CNTN6: variants seen among roughly 807,000 people sequenced by gnomAD.
The protein encoded by CNTN6 is contactin 6.
CNTN6 carries 137 observed loss-of-function variants against 122.8 expected under a neutral mutation model. The ratio of observed to expected loss-of-function variants is 1.12; its 90% confidence interval spans 0.97 to 1.29. CNTN6 has a LOEUF of 1.29. Ranked by LOEUF, CNTN6 falls within the 50% of genes most tolerant of loss-of-function variation. CNTN6 has a pLI of 0.00. For synonymous variants in CNTN6, 570 were observed against 426.0 expected (o/e 1.34, Z -4.16); for missense variants, 1,634 against 1,223.4 (o/e 1.34, Z -5.01).
intron 2 of CNTN6, among the ~76,000 whole-genome samples, chr3:1,155,587 G>T (rs1575047765): frequency 1.3e-5 from 2 of 152,094 alleles, no homozygotes; most frequent in South Asian, 4.2e-4. Context: ...CTAGGCAGGG[G>T]TAACTTCAGT....
intron 5 of CNTN6, among the ~76,000 whole-genome samples, chr3:1,286,965 A>C (rs900020224): frequency 3.3e-5 from 5 of 152,228 alleles, no homozygotes; most frequent in African/African-American, 1.2e-4. Context: ...AGATCAAAAG[A>C]GACAAAGAAG....
chr3:1,168,748 C>T (rs1304369611), intron 2 of CNTN6, among the ~76,000 whole-genome samples: 1 of 152,008 alleles, frequency 6.6e-6, no homozygotes, highest in Non-Finnish European at 1.5e-5. Context: ...ATATATTCTT[C>T]CTGCATTTTG....
At chr3:1,134,138 A>T (rs1233075600) in intron 1 of CNTN6, among the ~76,000 whole-genome samples, 1 of 152,152 alleles carries the variant, frequency 6.6e-6, no homozygotes, top group Non-Finnish European at 1.5e-5. Flanking sequence ...CGACCATATA[A>T]CGTCTATGTG....
At chr3:1,301,989 A>T (rs1332592998) in intron 7 of CNTN6, among the ~76,000 whole-genome samples, 1 of 152,206 alleles carries the variant, frequency 6.6e-6, no homozygotes, top group Non-Finnish European at 1.5e-5. Context: ...TAAGGTATTT[A>T]GCAAATGCCA....
intron 1 of CNTN6, among the ~76,000 whole-genome samples, chr3:1,102,479 C>T (rs1343684481): frequency 1.3e-5 from 2 of 152,258 alleles, no homozygotes; most frequent in African/African-American, 4.8e-5. Flanking sequence ...GCCTGTAATC[C>T]CAGCACTTTG....
chr3:1,214,466 G>A (rs1206883177), intron 2 of CNTN6, among the ~76,000 whole-genome samples: 11 of 150,868 alleles, frequency 7.3e-5, no homozygotes, highest in African/African-American at 2.2e-4. Flanking sequence ...CCACCACCAC[G>A]CCCAGCTAAT....
At chr3:1,120,373 G>T (rs1343549786) in intron 1 of CNTN6, among the ~76,000 whole-genome samples, 2 of 151,832 alleles carry the variant, frequency 1.3e-5, no homozygotes, top group Non-Finnish European at 2.9e-5. Context: ...GGCATGGTCA[G>T]TCTTTTTAGT....
chr3:1,212,450 TATGTGTGTGTATATATATACACATAC>T (rs1199850671), intron 2 of CNTN6, among the ~76,000 whole-genome samples: 2 of 151,356 alleles, frequency 1.3e-5, no homozygotes, highest in Non-Finnish European at 2.9e-5. Flanking sequence ...ATAGTTTTTA[TATGTGTGTGTATATATATACACATAC>T]ATGTGTGTGT....
At position 1,317,920 on chromosome 3, in the gene CNTN6, C is replaced by T. The variant is rs570438045; in HGVS notation, c.762-3730C>T. On this transcript the variant is annotated intron_variant, in intron 7 of 22. Coordinates refer to ENST00000446702, the MANE Select transcript of CNTN6 (RefSeq NM_001289080.2). Reference sequence around the variant, plus strand: ...AAAAAAAAAAGCAAACACATGTCCTCTGCAGATTTAGAATCCAGGACATTA... The same window carrying T: ...AAAAAAAAAAGCAAACACATGTCCTTTGCAGATTTAGAATCCAGGACATTA... 1.9e-4 allele frequency among the ~76,000 whole-genome samples: 29 copies of T among 149,754 alleles called. No individual in the cohort carries two copies. In the South Asian group the frequency reaches 4.6e-3, roughly 24 times the overall value.
At chr3:1,216,699 C>CTCTA (rs879475733) in intron 2 of CNTN6, among the ~76,000 whole-genome samples, 1 of 152,146 alleles carries the variant, frequency 6.6e-6, no homozygotes, top group Non-Finnish European at 1.5e-5. Context: ...GAATTAAAAC[C>CTCTA]TCTATCTATC....
chr3:1,385,197 A>C (rs763283321), intron 19 of CNTN6, among the ~76,000 whole-genome samples: 73 of 152,084 alleles, frequency 4.8e-4, no homozygotes, highest in Admixed American at 2.6e-3. Context: ...TATAAATTGA[A>C]TTATTAATTA....
At chr3:1,226,352 T>A (rs1390757548) in intron 3 of CNTN6, among the ~76,000 whole-genome samples, 1 of 152,102 alleles carries the variant, frequency 6.6e-6, no homozygotes, top group African/African-American at 2.4e-5. Context: ...TTCACTTGTT[T>A]TCCTAGATGA....
chr3:1,277,862 A>G (rs1033657615), intron 4 of CNTN6, among the ~76,000 whole-genome samples: 1 of 152,204 alleles, frequency 6.6e-6, no homozygotes, highest in Non-Finnish European at 1.5e-5. Context: ...TCTGTTATGC[A>G]GGAAATCACC....
chr3:1,202,508 T>G (rs1575217913), intron 2 of CNTN6, among the ~76,000 whole-genome samples: 1 of 151,560 alleles, frequency 6.6e-6, no homozygotes, highest in Non-Finnish European at 1.5e-5. Context: ...GCCACCGCCC[T>G]CCAGCCTGGG....
At chr3:1,192,631 T>G (rs2093718396) in intron 2 of CNTN6, among the ~76,000 whole-genome samples, 1 of 152,082 alleles carries the variant, frequency 6.6e-6, no homozygotes, top group Non-Finnish European at 1.5e-5. Context: ...ATTTATACAT[T>G]GTCACAGATG....
At chr3:1,371,768 T>A (rs991143647) in intron 12 of CNTN6, among the ~76,000 whole-genome samples, 5 of 152,180 alleles carry the variant, frequency 3.3e-5, no homozygotes, top group African/African-American at 1.2e-4. Context: ...TCCCTATTCA[T>A]GTTGCATCTT....
intron 1 of CNTN6, among the ~76,000 whole-genome samples, chr3:1,124,992 A>G (rs1409351046): frequency 6.6e-6 from 1 of 151,952 alleles, no homozygotes; most frequent in Non-Finnish European, 1.5e-5. Flanking sequence ...GTCACAAAGT[A>G]GTCATTTTGT....
chr3:1,185,884 T>C (rs895221045), intron 2 of CNTN6, among the ~76,000 whole-genome samples: 4 of 152,182 alleles, frequency 2.6e-5, no homozygotes, highest in Non-Finnish European at 4.4e-5. Flanking sequence ...ATTTAAAAGA[T>C]CATTGTAAAT....
chr3:1,251,137 C>A lies in CNTN6; in HGVS notation c.358+23144C>A, dbSNP rs77536006. Among the ~76,000 whole-genome samples, 444 of 152,288 alleles carry A rather than the reference C, an allele frequency of 2.9e-3. 3 individuals are homozygous for A. The highest frequency in any genetic ancestry group is 0.01 in the African/African-American group (418 of 41,578). ...CCTTTGGTGAATTTGGTATTCAGTA[C>A]TCAATATCCTGATTTGCCAGTTTCT... On this transcript the variant is annotated intron_variant, in intron 4 of 22. Transcript: ENST00000446702.
Sources: allele counts gnomAD v4.1 joint callset (sites outside exome capture counted in the v4.1 genomes callset), GRCh38; gene constraint gnomAD v4.1.1; transcripts MANE v1.5; gene names NCBI Gene and HGNC (gene_info 2026-07-23, HGNC 2026-07-21).